RNFT2: variants seen among roughly 807,000 people sequenced by gnomAD.
The protein encoded by RNFT2 is E3 ubiquitin-protein ligase RNFT2.
In RNFT2, 36 loss-of-function variants were observed where a neutral mutation model predicts 53.0. The observed-to-expected ratio is 0.68, with a 90% CI of 0.52 to 0.90. The LOEUF (loss-of-function observed/expected upper bound fraction) is 0.90. Ranked by LOEUF, RNFT2 falls within the 40% of genes least tolerant of loss-of-function variation. The pLI is 0.00. For missense variants in RNFT2, 514 were observed against 585.6 expected, an observed-to-expected ratio of 0.88 and a Z score of 1.26; for synonymous variants, 260 against 253.2, an observed-to-expected ratio of 1.03 and a Z score of -0.26.
rs772794629 is a variant in RNFT2, at chr12:116,755,921, T to A, written c.627+1861T>A. The A allele has an allele frequency of 2.7e-6, 3 of 1,130,494 alleles. No individual in the cohort carries two copies. In the Admixed American group the frequency reaches 5.1e-5, roughly 19 times the overall value. The allele number at this position is 1,130,494 out of a possible 1,614,324, so 70.0% of individuals were successfully genotyped here. A position where few individuals can be genotyped will look rare whatever the true frequency, so the allele number is the denominator to read the frequency against. ...GGCAGTTCCGGCTGAAAGGAAAAGA[T>A]ATGTCCTTATTTTTGTACCAGTACC... On this transcript the variant is annotated intron_variant, in intron 5 of 10. Transcript: ENST00000257575.
intron 7 of RNFT2, among the ~76,000 whole-genome samples, chr12:116,821,786 T>C (rs1306640826): frequency 6.6e-6 from 1 of 151,000 alleles, no homozygotes; most frequent in East Asian, 1.9e-4. Flanking sequence ...ATCCTCCTTT[T>C]TCTGACTACT....
chr12:116,830,291 TG>T (rs1473274638), intron 7 of RNFT2, among the ~76,000 whole-genome samples: 9 of 152,116 alleles, frequency 5.9e-5, no homozygotes, highest in South Asian at 2.1e-4. Context: ...TTTTTATTGT[TG>T]TTTTTTTGTT....
At chr12:116,842,852 GT>G (rs1436427095) in intron 10 of RNFT2, among the ~76,000 whole-genome samples, 2 of 152,174 alleles carry the variant, frequency 1.3e-5, no homozygotes, top group Non-Finnish European at 2.9e-5. Context: ...GGAATTACAG[GT>G]GTGAGCCACT....
At chr12:116,810,929 A>G (rs1331874383) in intron 7 of RNFT2, among the ~76,000 whole-genome samples, 1 of 152,218 alleles carries the variant, frequency 6.6e-6, no homozygotes. Flanking sequence ...GCCCACTGAT[A>G]ACACGTCTCA....
intron 10 of RNFT2, among the ~76,000 whole-genome samples, chr12:116,841,794 AATATATATATAAAT>A (rs1565875897): frequency 5.0e-4 from 47 of 94,648 alleles, no homozygotes; most frequent in African/African-American, 2.4e-3. Flanking sequence ...TATATATATA[AATATATATATAAAT>A]ATATATATAA....
At chr12:116,844,028 A>G (rs1877486470) in intron 10 of RNFT2, among the ~76,000 whole-genome samples, 1 of 152,208 alleles carries the variant, frequency 6.6e-6, no homozygotes, top group Non-Finnish European at 1.5e-5. Context: ...AAGTGTGGCC[A>G]GGGTACCCCT....
chr12:116,767,271 G>C (rs758818729), intron 6 of RNFT2, among the ~76,000 whole-genome samples: 7 of 152,064 alleles, frequency 4.6e-5, no homozygotes, highest in African/African-American at 7.2e-5. Context: ...ACCCAGGCTG[G>C]CAGTGGTGTG....
chr12:116,743,075 T>A, intron 3 of RNFT2, among the ~76,000 whole-genome samples: 1 of 49,638 alleles, frequency 2.0e-5, no homozygotes, highest in African/African-American at 8.1e-5. Flanking sequence ...AGTGAGACCC[T>A]ATCTCAAAAA....
At chr12:116,738,558 A>G (rs541975771) in intron 1 of RNFT2, 188 bp downstream of exon 1, 1 of 151,812 alleles carries the variant, frequency 6.6e-6, no homozygotes, top group East Asian at 1.9e-4. Flanking sequence ...CTCTGAGTGC[A>G]TTTCGGTGCA....
intron 7 of RNFT2, among the ~76,000 whole-genome samples, chr12:116,785,451 C>T (rs1024276649): frequency 6.6e-6 from 1 of 152,082 alleles, no homozygotes; most frequent in African/African-American, 2.4e-5. Context: ...ACCACCAAGC[C>T]TGGCTAATTT....
intron 7 of RNFT2, among the ~76,000 whole-genome samples, chr12:116,812,961 G>GT (rs375397213): frequency 1.9e-4 from 28 of 149,190 alleles, no homozygotes; most frequent in African/African-American, 6.4e-4. Context: ...ATTTGTTTTT[G>GT]TTTTTTTCTT....
At chr12:116,841,153 T>G (rs1376805435) in intron 10 of RNFT2, among the ~76,000 whole-genome samples, 3 of 152,096 alleles carry the variant, frequency 2.0e-5, no homozygotes, top group Admixed American at 6.6e-5. Flanking sequence ...TTTTTACGGG[T>G]CAAGAATCCA....
intron 7 of RNFT2, among the ~76,000 whole-genome samples, chr12:116,806,456 G>T (rs1034167552): frequency 6.6e-6 from 1 of 150,812 alleles, no homozygotes; most frequent in South Asian, 2.1e-4. Flanking sequence ...CTAGTAAAAT[G>T]TTTAAAATTA....
chr12:116,852,492 T>C lies in RNFT2; in HGVS notation c.*3044T>C. On this transcript the variant is annotated 3_prime_UTR_variant, in exon 11 of 11. Transcript: ENST00000257575. ...TATGGCGATGGCCATGATGTTACAATCCCACTTGCCTGAATAATCAAGTGG... is the reference window on the plus strand; with the variant it reads ...TATGGCGATGGCCATGATGTTACAACCCCACTTGCCTGAATAATCAAGTGG... 6.7e-7 allele frequency: 1 copy of C among 1,493,566 alleles called. No homozygotes were observed. Among genetic ancestry groups the C allele is most frequent in the African/African-American group, 1.4e-5 (1 of 71,560 alleles). The allele number at this position is 1,493,566 out of a possible 1,614,324, so 92.5% of individuals were successfully genotyped here.
chr12:116,753,856 T>A, intron 4 of RNFT2, 128 bp from the exon 5 acceptor site: 1 of 678,686 alleles, frequency 1.5e-6, no homozygotes, highest in South Asian at 1.8e-5. Context: ...GGGATTTTTT[T>A]TATTTTTCTC....
intron 7 of RNFT2, among the ~76,000 whole-genome samples, chr12:116,826,887 TA>T (rs1417317187): frequency 6.6e-6 from 1 of 152,152 alleles, no homozygotes; most frequent in Admixed American, 6.5e-5. Context: ...GAGGGATGGA[TA>T]GTAAAAATAA....
intron 7 of RNFT2, chr12:116,801,583 A>T (rs1267217492): frequency 6.6e-6 from 1 of 152,238 alleles, no homozygotes; most frequent in Non-Finnish European, 1.5e-5. Flanking sequence ...GAATTAAATT[A>T]AATAACACAA....
chr12:116,790,372 G>A (rs192244923), intron 7 of RNFT2, among the ~76,000 whole-genome samples: 133 of 146,472 alleles, frequency 9.1e-4, no homozygotes, highest in Middle Eastern at 3.4e-3. Flanking sequence ...CCCTGTATTC[G>A]TGAGTTTATA....
chr12:116,849,674 T>A lies in RNFT2; in HGVS notation c.*226T>A. On this transcript the variant is annotated 3_prime_UTR_variant, in exon 11 of 11. Coordinates refer to ENST00000257575, the MANE Select transcript of RNFT2 (RefSeq NM_001382266.1). ...TCCTTCCCCTGCAAAAGGGGACGTC[T>A]TCCTAACTCAGACTTGATGCCCTTC... is the stretch of plus-strand genomic sequence containing the variant. The A allele has an allele frequency of 7.9e-7, 1 of 1,269,056 alleles. No homozygotes were observed. Among genetic ancestry groups the A allele is most frequent in the Non-Finnish European group, 9.9e-7 (1 of 1,005,180 alleles). The allele number at this position is 1,269,056 out of a possible 1,614,324, so 78.6% of individuals were successfully genotyped here. A position where few individuals can be genotyped will look rare whatever the true frequency, so the allele number is the denominator to read the frequency against.
Sources: allele counts gnomAD v4.1 joint callset (sites outside exome capture counted in the v4.1 genomes callset), GRCh38; gene constraint gnomAD v4.1.1; transcripts MANE v1.5; gene names NCBI Gene and HGNC (gene_info 2026-07-23, HGNC 2026-07-21).